Variants in SLC8A1 observed in about 807,000 individuals in gnomAD.
The protein encoded by SLC8A1 is sodium/calcium exchanger 1.
In SLC8A1, 18 loss-of-function variants were observed where a neutral mutation model predicts 68.3. That is an observed-to-expected ratio of 0.26 (90% confidence interval 0.18 to 0.39). The LOEUF is 0.39. Among genes scored for constraint, SLC8A1 ranks in the 10% least tolerant of loss-of-function variants. The pLI is 1.00. For synonymous variants in SLC8A1, 475 were observed against 415.5 expected (o/e 1.14, Z -1.74); for missense variants, 985 against 1,156.7 (o/e 0.85, Z 2.15).
At chr2:40,293,561 C>T (rs953017213) in intron 2 of SLC8A1, among the ~76,000 whole-genome samples, 1 of 152,136 alleles carries the variant, frequency 6.6e-6, no homozygotes, top group Admixed American at 6.5e-5. Flanking sequence ...TTAAACATTG[C>T]TCTCTTCCCT....
Position 40,462,001 on chromosome 2 carries a change from C to CTTTTTTTTTTTTTTTTTTTTT in SLC8A1, c.-24-31718_-24-31698dup, listed in dbSNP as rs370223854. Among the ~76,000 whole-genome samples the CTTTTTTTTTTTTTTTTTTTTT allele has an allele frequency of 2.1e-3, 139 of 66,152 alleles. 22 individuals are homozygous for CTTTTTTTTTTTTTTTTTTTTT. Among genetic ancestry groups the CTTTTTTTTTTTTTTTTTTTTT allele is most frequent in the African/African-American group, 5.8e-3 (95 of 16,480 alleles). 43.4% of individuals were successfully genotyped at this position (66,152 alleles called of 152,430 possible). A position where few individuals can be genotyped will look rare whatever the true frequency, so the allele number is the denominator to read the frequency against. On this transcript the variant is annotated intron_variant, in intron 1 of 7. Coordinates refer to the SLC8A1 transcript ENST00000402441. ...CCTCTCATTTTAAAGTAAAATCCTC[C>CTTTTTTTTTTTTTTTTTTTTT]TTTTTTTTTTTTTTTTTTTTTTTGA...
exon 8 of SLC8A1, chr2:40,111,456 A>G (rs2034546688): frequency 6.6e-6 from 1 of 152,198 alleles, no homozygotes; most frequent in Non-Finnish European, 1.5e-5. Context: ...ACATATGACC[A>G]TATAAAGAAT....
At chr2:40,108,901 T>C (rs2034390481) in exon 8 of SLC8A1, 1 of 152,124 alleles carries the variant, frequency 6.6e-6, no homozygotes, top group Non-Finnish European at 1.5e-5. Flanking sequence ...AGGGGTCTAA[T>C]TAAAAAGTTG....
intron 1 of SLC8A1, among the ~76,000 whole-genome samples, chr2:40,493,901 T>C (rs777521613): frequency 6.6e-6 from 1 of 151,892 alleles, no homozygotes; most frequent in Non-Finnish European, 1.5e-5. Context: ...TTCCTTTCCT[T>C]TCCTCTCCTC....
intron 2 of SLC8A1, among the ~76,000 whole-genome samples, chr2:40,279,072 C>T (rs2067157400): frequency 6.6e-6 from 1 of 152,122 alleles, no homozygotes; most frequent in African/African-American, 2.4e-5. Flanking sequence ...TTTTAAGAAT[C>T]AAAACTGTTT....
intron 2 of SLC8A1, among the ~76,000 whole-genome samples, chr2:40,266,628 G>C (rs1456063846): frequency 1.3e-5 from 2 of 152,170 alleles, no homozygotes; most frequent in African/African-American, 4.8e-5. Context: ...ACAGTTAAGA[G>C]AGCCAGACTA....
Position 40,393,363 on chromosome 2 carries a change from C to T in SLC8A1, c.1808+35110G>A, listed in dbSNP as rs145200781. Among the ~76,000 whole-genome samples, 18 of 152,112 alleles carry T rather than the reference C, an allele frequency of 1.2e-4. No homozygotes were observed. In the East Asian group the frequency reaches 3.1e-3, roughly 26 times the overall value. On this transcript the variant is annotated intron_variant, in intron 2 of 7. Coordinates refer to ENST00000406785, the Ensembl canonical transcript of SLC8A1. ...ACTTAGCAATCTATGTTTATGGTTG[C>T]TTTATCTGGTAGTATAATACAATGA...
intron 2 of SLC8A1, among the ~76,000 whole-genome samples, chr2:40,359,673 G>C (rs1314793541): frequency 6.6e-6 from 1 of 152,084 alleles, no homozygotes; most frequent in African/African-American, 2.4e-5. Context: ...AATGAATTGA[G>C]TATGTTACTG....
Position 40,335,653 on chromosome 2 carries a change from G to A in SLC8A1, c.1808+92820C>T, listed in dbSNP as rs191825602. On this transcript the variant is annotated intron_variant, in intron 2 of 7. Transcript: ENST00000406785. ...GACAGCCCTAAAAGAACAGAAATGGGTGTTTTCCATGGCCCACAGGGCCAG... is the reference window on the plus strand; with the variant it reads ...GACAGCCCTAAAAGAACAGAAATGGATGTTTTCCATGGCCCACAGGGCCAG... 1.1e-4 allele frequency among the ~76,000 whole-genome samples: 16 copies of A among 152,334 alleles called. No individual in the cohort carries two copies. In the East Asian group the frequency reaches 2.9e-3, roughly 28 times the overall value.
At chr2:40,481,249 A>G (rs1704611497) in intron 1 of SLC8A1, among the ~76,000 whole-genome samples, 1 of 152,208 alleles carries the variant, frequency 6.6e-6, no homozygotes, top group South Asian at 2.1e-4. Flanking sequence ...GTTCTGTGGC[A>G]TATCTTACTA....
intron 2 of SLC8A1, among the ~76,000 whole-genome samples, chr2:40,239,843 A>G (rs1335677365): frequency 2.0e-5 from 3 of 152,212 alleles, no homozygotes; most frequent in East Asian, 1.9e-4. Context: ...TCCTTAGTGT[A>G]TGTATCTCCT....
At chr2:40,420,017 T>C (rs1191920218) in intron 2 of SLC8A1, among the ~76,000 whole-genome samples, 4 of 152,174 alleles carry the variant, frequency 2.6e-5, no homozygotes, top group African/African-American at 4.8e-5. Context: ...ATAAAGTATA[T>C]GCAAGATGTA....
At chr2:40,339,210 T>C (rs932349631) in intron 2 of SLC8A1, among the ~76,000 whole-genome samples, 1 of 152,208 alleles carries the variant, frequency 6.6e-6, no homozygotes, top group Admixed American at 6.5e-5. Flanking sequence ...TCCTAAGATG[T>C]CATTATCTGT....
chr2:40,375,098 T>G (rs1447252921), intron 2 of SLC8A1, among the ~76,000 whole-genome samples: 1 of 152,050 alleles, frequency 6.6e-6, no homozygotes, highest in Non-Finnish European at 1.5e-5. Flanking sequence ...CCAAAGACTG[T>G]TTTGGTAAGT....
chr2:40,512,040 A>C (rs925829362), intron 1 of SLC8A1, among the ~76,000 whole-genome samples: 2 of 152,156 alleles, frequency 1.3e-5, no homozygotes, highest in Non-Finnish European at 2.9e-5. Flanking sequence ...TCATTTCTAA[A>C]GGTGCTGGCA....
intron 1 of SLC8A1, among the ~76,000 whole-genome samples, chr2:40,507,314 A>T (rs1368914151): frequency 6.6e-6 from 1 of 151,960 alleles, no homozygotes; most frequent in Non-Finnish European, 1.5e-5. Context: ...AGGCAGGGAG[A>T]CTACAAGGAT....
At chr2:40,253,831 C>CAAAAAAAA (rs61434245) in intron 2 of SLC8A1, among the ~76,000 whole-genome samples, 2 of 59,820 alleles carry the variant, frequency 3.3e-5, no homozygotes, top group African/African-American at 1.3e-4. Flanking sequence ...TGTCTGTCTC[C>CAAAAAAAA]AAAAAAAAAA....
At chr2:40,251,945 A>T (rs758894183) in intron 2 of SLC8A1, among the ~76,000 whole-genome samples, 16 of 152,216 alleles carry the variant, frequency 1.1e-4, no homozygotes, top group Non-Finnish European at 2.1e-4. Context: ...CAAAATGTTT[A>T]GAGTGTATAA....
intron 2 of SLC8A1, among the ~76,000 whole-genome samples, chr2:40,292,239 T>G (rs537723769): frequency 1.3e-5 from 2 of 152,304 alleles, no homozygotes; most frequent in Admixed American, 1.3e-4. Context: ...TTTTCAGAAC[T>G]TTTGTACCCC....
Sources: gnomAD v4.1 joint callset for allele counts (sites outside exome capture counted in the v4.1 genomes callset) on GRCh38, gnomAD v4.1.1 for gene constraint, MANE v1.5 for transcripts, NCBI Gene and HGNC (gene_info 2026-07-23, HGNC 2026-07-21) for gene names.